The following CHRM3 variants were observed in gnomAD, a reference collection of about 807,000 sequenced individuals.
CHRM3 encodes muscarinic acetylcholine receptor M3.
A neutral mutation model predicts 41.8 loss-of-function variants in CHRM3; 11 were observed. That is an observed-to-expected ratio of 0.26 (90% CI 0.17 to 0.44). The LOEUF is 0.44. Among genes scored for constraint, CHRM3 ranks in the 20% least tolerant of loss-of-function variants. The pLI, the probability that CHRM3 is intolerant of heterozygous loss-of-function variation, is 1.00. For missense variants in CHRM3, 571 were observed against 745.4 expected (o/e 0.77, Z 2.72); for synonymous variants, 297 against 301.4 (o/e 0.99, Z 0.15).
intron 4 of CHRM3, among the ~76,000 whole-genome samples, chr1:239,669,360 C>A (rs1381626301): frequency 6.6e-6 from 1 of 152,088 alleles, no homozygotes; most frequent in African/African-American, 2.4e-5. Context: ...ACCCAGTTAA[C>A]AAAGTGGCAT....
chr1:239,520,711 A>T (rs1669585344), intron 2 of CHRM3, among the ~76,000 whole-genome samples: 1 of 152,170 alleles, frequency 6.6e-6, no homozygotes, highest in Admixed American at 6.6e-5. Context: ...TTTAAGTCAA[A>T]CCAGTGACTA....
At chr1:239,831,140 C>T (rs187661705) in intron 6 of CHRM3, among the ~76,000 whole-genome samples, 10 of 152,232 alleles carry the variant, frequency 6.6e-5, no homozygotes, top group Admixed American at 3.3e-4. Context: ...CACAGCCCAG[C>T]GAGTCAGGAC....
intron 1 of CHRM3, among the ~76,000 whole-genome samples, chr1:239,405,123 C>A (rs2103011711): frequency 6.6e-6 from 1 of 152,120 alleles, no homozygotes; most frequent in Middle Eastern, 3.4e-3. Flanking sequence ...AAGTAAATTT[C>A]AAAAATCATA....
intron 5 of CHRM3, among the ~76,000 whole-genome samples, chr1:239,723,198 A>G (rs1351154687): frequency 2.0e-5 from 3 of 151,984 alleles, no homozygotes; most frequent in African/African-American, 4.8e-5. Flanking sequence ...CTAGCACTCA[A>G]TTACTTGCCA....
chr1:239,522,040 CT>C lies in CHRM3; in HGVS notation c.-421-23595del, dbSNP rs71678076. Among the ~76,000 whole-genome samples the C allele has an allele frequency of 7.9e-4, 117 of 148,318 alleles. 2 individuals carry two copies. Among genetic ancestry groups the C allele is most frequent in the Admixed American group, 4.8e-3 (72 of 15,116 alleles). On this transcript the variant is annotated intron_variant, in intron 2 of 6. Coordinates refer to ENST00000676153, the MANE Select transcript of CHRM3 (RefSeq NM_001375978.1). ...ATATTGTTTTCTTTTCTTTTCTTTT[CT>C]TTTTTGCCATAGTGCTCTTCTTACA...
intron 3 of CHRM3, among the ~76,000 whole-genome samples, chr1:239,596,909 G>A (rs1304472393): frequency 6.6e-6 from 1 of 152,138 alleles, no homozygotes; most frequent in Non-Finnish European, 1.5e-5. Context: ...ACAAAGCAAA[G>A]TTGTTGGGTT....
At chr1:239,563,055 T>G (rs1053871743) in intron 3 of CHRM3, among the ~76,000 whole-genome samples, 2 of 152,064 alleles carry the variant, frequency 1.3e-5, no homozygotes, top group Non-Finnish European at 2.9e-5. Context: ...AACCTTTTAT[T>G]TATGCCATTA....
chr1:239,447,320 G>A (rs6698111), intron 1 of CHRM3, among the ~76,000 whole-genome samples: 59,341 of 151,798 alleles, frequency 0.39, 12,127 homozygotes, highest in African/African-American at 0.51. Context: ...GAAAAAAAAC[G>A]GAGGAAGAGA....
At chr1:239,661,784 A>AAATTAAT (rs1476336232) in intron 4 of CHRM3, among the ~76,000 whole-genome samples, 2 of 152,178 alleles carry the variant, frequency 1.3e-5, no homozygotes, top group East Asian at 3.9e-4. Flanking sequence ...CAACACGGAG[A>AAATTAAT]GTGAACCCTA....
intron 3 of CHRM3, among the ~76,000 whole-genome samples, chr1:239,618,681 A>G (rs937372824): frequency 6.0e-5 from 9 of 150,688 alleles, no homozygotes; most frequent in Admixed American, 1.3e-4. Context: ...CGTCTCTACT[A>G]AAAATACAAA....
intron 3 of CHRM3, among the ~76,000 whole-genome samples, chr1:239,605,379 G>A (rs972790896): frequency 6.6e-6 from 1 of 152,110 alleles, no homozygotes; most frequent in African/African-American, 2.4e-5. Flanking sequence ...ATTAGCCGAG[G>A]AGCAACAGGC....
At position 239,586,427 on chromosome 1, in the gene CHRM3, A is replaced by G. The variant is rs188243454; in HGVS notation, c.-313+40678A>G. Among the ~76,000 whole-genome samples the G allele has an allele frequency of 3.0e-3, 463 of 152,194 alleles. 3 individuals are homozygous for G. The highest frequency in any genetic ancestry group is 0.01 in the African/African-American group (424 of 41,542). ...TTTTTTGCAGCATGGAAGTTTCTCA[A>G]AGAAAATGTCAGGGCTTTGAATACT... On this transcript the variant is annotated intron_variant, in intron 3 of 6. Coordinates refer to ENST00000676153, the MANE Select transcript of CHRM3 (RefSeq NM_001375978.1).
At chr1:239,785,038 C>T (rs796444032) in intron 5 of CHRM3, among the ~76,000 whole-genome samples, 9 of 152,142 alleles carry the variant, frequency 5.9e-5, no homozygotes, top group African/African-American at 2.2e-4. Flanking sequence ...TGCTTTTTTT[C>T]CAATTTGCCA....
chr1:239,684,865 T>C (rs1390087317), intron 5 of CHRM3, among the ~76,000 whole-genome samples: 1 of 148,994 alleles, frequency 6.7e-6, no homozygotes, highest in Non-Finnish European at 1.5e-5. Context: ...ATGGAGAGAG[T>C]GAGATTGGAG....
At chr1:239,608,584 G>A (rs1252073771) in intron 3 of CHRM3, among the ~76,000 whole-genome samples, 29 of 152,038 alleles carry the variant, frequency 1.9e-4, no homozygotes, top group Admixed American at 1.9e-3. Flanking sequence ...AAAACAATAA[G>A]CCTTGGTAAT....
At chr1:239,408,521 C>CAAA (rs371319364) in intron 1 of CHRM3, among the ~76,000 whole-genome samples, 2,018 of 61,030 alleles carry the variant, frequency 0.033, 98 homozygotes, top group African/African-American at 0.091. Flanking sequence ...GAGACTCCGT[C>CAAA]AAAAAAAAAA....
Position 239,839,106 on chromosome 1 carries a change from ACTTTTTCCTC to A in CHRM3, c.-20+11730_-20+11739del, listed in dbSNP as rs1349110249. Among the ~76,000 whole-genome samples the A allele has an allele frequency of 5.9e-5, 9 of 152,196 alleles. No individual in the cohort carries two copies. The East Asian group carries it at 1.7e-3, about 29-fold the overall frequency. On this transcript the variant is annotated intron_variant, in intron 6 of 6. Coordinates refer to ENST00000676153, the MANE Select transcript of CHRM3 (RefSeq NM_001375978.1). ...TGGCCCTTCAGGGCCCTTTCAAAAT[ACTTTTTCCTC>A]CAAATGACTCCATAAGATAGACAAG...
intron 2 of CHRM3, among the ~76,000 whole-genome samples, chr1:239,496,053 G>T (rs536199217): frequency 6.6e-6 from 1 of 152,224 alleles, no homozygotes; most frequent in South Asian, 2.1e-4. Context: ...GTTGAAACCT[G>T]AGGACAGTCA....
At chr1:239,789,102 A>G (rs1243665460) in intron 5 of CHRM3, among the ~76,000 whole-genome samples, 3 of 152,172 alleles carry the variant, frequency 2.0e-5, no homozygotes, top group African/African-American at 7.2e-5. Context: ...TGTGGTCTCC[A>G]AGGTCACACT....
Sources: gnomAD v4.1 joint callset for allele counts (sites outside exome capture counted in the v4.1 genomes callset) on GRCh38, gnomAD v4.1.1 for gene constraint, MANE v1.5 for transcripts, NCBI Gene and HGNC (gene_info 2026-07-23, HGNC 2026-07-21) for gene names.